Variants in TSPOAP1 observed in about 807,000 individuals in gnomAD.
The protein encoded by TSPOAP1 is peripheral-type benzodiazepine receptor-associated protein 1.
TSPOAP1 carries 87 observed loss-of-function variants against 197.0 expected under a neutral mutation model. That is an observed-to-expected ratio of 0.44 (90% CI 0.37 to 0.53). The LOEUF is 0.53. Ranked by LOEUF, TSPOAP1 falls within the 20% of genes least tolerant of loss-of-function variation. The probability of loss-of-function intolerance (pLI) is 0.00; values close to 1 mark genes in which losing one functional copy is unlikely to be tolerated. For synonymous variants in TSPOAP1, 913 were observed against 998.9 expected, an observed-to-expected ratio of 0.91 and a Z score of 1.62; for missense variants, 2,174 against 2,411.3, an observed-to-expected ratio of 0.90 and a Z score of 2.06.
chr17:58,305,490 A>AGGCAGAG (rs1567837756), intron 28 of TSPOAP1, 32 bp from the exon 29 acceptor site: 2 of 1,613,332 alleles, frequency 1.2e-6, no homozygotes, highest in Non-Finnish European at 1.7e-6. Flanking sequence ...CATCAGGCCC[A>AGGCAGAG]GGAAGGCTCT....
In TSPOAP1 at chr17:58,301,546, C is replaced by G. The variant is rs1033782408; in HGVS notation, c.*934G>C. ...TGCAAAAGAACTTGAATCCAATGAG[C>G]AAAATAAGGCAAACCCAACTCCGCT... On this transcript the variant is annotated 3_prime_UTR_variant, in exon 32 of 32. Transcript: ENST00000343736. 6 of 152,710 alleles carry G rather than the reference C, an allele frequency of 3.9e-5. No individual in the cohort carries two copies. The highest frequency in any genetic ancestry group is 1.4e-4 in the African/African-American group (6 of 41,464). 9.5% of individuals were successfully genotyped at this position (152,710 alleles called of 1,614,324 possible). A position where few individuals can be genotyped will look rare whatever the true frequency, so the allele number is the denominator to read the frequency against.
Position 58,308,055 on chromosome 17 carries a change from A to G in TSPOAP1, c.4732-114T>C. On this transcript the variant is annotated intron_variant, in intron 22 of 31. Transcript: ENST00000343736. ...CAGCACAGCAGCGCAGGAGCACAGC[A>G]TTCCTCTCCCGGAGCCTCGGCCCAG... 2.7e-6 allele frequency: 3 copies of G among 1,094,536 alleles called. No homozygotes were observed. The South Asian group carries it at 4.7e-5, about 17-fold the overall frequency. The allele number at this position is 1,094,536 out of a possible 1,614,324, so 67.8% of individuals were successfully genotyped here.
Position 58,309,859 on chromosome 17 carries a change from C to T in TSPOAP1, c.3891+108G>A. ...TTAGGACAGGGCCCAGGCCACAGAC[C>T]TAGAATGTTTCTGGCACTCAGTGGT... is the stretch of plus-strand genomic sequence containing the variant. On this transcript the variant is annotated intron_variant, in intron 21 of 31. Coordinates refer to ENST00000343736, the MANE Select transcript of TSPOAP1 (RefSeq NM_004758.4). The surrounding 1 kb of genome is among the most constrained non-coding windows in gnomAD (Gnocchi z 5.0). The T allele has an allele frequency of 1.4e-6, 2 of 1,409,342 alleles. No individual in the cohort carries two copies. The highest frequency in any genetic ancestry group is 1.9e-6 in the Non-Finnish European group (2 of 1,041,394). 87.3% of individuals were successfully genotyped at this position (1,409,342 alleles called of 1,614,324 possible). A position where few individuals can be genotyped will look rare whatever the true frequency, so the allele number is the denominator to read the frequency against.
intron 16 of TSPOAP1, among the ~76,000 whole-genome samples, chr17:58,314,744 G>A (rs1971172147): frequency 6.6e-6 from 1 of 152,256 alleles, no homozygotes. Context: ...CCAGCACTGT[G>A]GAGTGGGAGA....
intron 12 of TSPOAP1, 109 bp downstream of exon 12, chr17:58,320,000 G>A (rs1971356858): frequency 6.3e-6 from 9 of 1,431,794 alleles, no homozygotes. Context: ...CCTGCTCCCA[G>A]TGACACCCCC....
Position 58,319,219 on chromosome 17 carries a change from C to A in TSPOAP1, c.1570G>T (p.Ala524Ser), listed in dbSNP as rs1326028912. Residue 524 changes from alanine to serine, a missense_variant, in exon 13 of 32, where the codon GCT (alanine) becomes TCT (serine). Coordinates refer to ENST00000343736, the MANE Select transcript of TSPOAP1 (RefSeq NM_004758.4). The stretch of plus-strand genomic sequence containing the variant: ...AAGGGGCCCGGGTGCAGGCGGAAAG[C>A]CTGGAGTTCCTGTGCCAGGAGGCTG... ...QFSLLAQELQAFRLHPGPLDL... is the reference protein window; with the variant it reads ...QFSLLAQELQSFRLHPGPLDL... 6.3e-7 allele frequency: 1 copy of A among 1,597,956 alleles called. No individual in the cohort carries two copies. Among genetic ancestry groups the A allele is most frequent in the Non-Finnish European group, 8.5e-7 (1 of 1,172,428 alleles).
rs747240168 is a variant in TSPOAP1 at position 58,308,825 on chromosome 17, C to T, written c.4447G>A (p.Glu1483Lys). ...GAAAGGCAGCTGGCCAGGCCAGGCT[C>T]CAGCGCCCGGCCACGGGAGCACCTC... ...SRRCSRGRAL[E>K]PGLASCLSPK... The change falls in exon 22 of 32, where the codon GAG (glutamate) becomes AAG (lysine). Residue 1483 changes from glutamate (E) to lysine (K), a missense_variant. By Grantham distance (56) the Glu-to-Lys change is moderately conservative (BLOSUM62 1). Transcript: ENST00000343736. 1 of 1,612,392 alleles carries T rather than the reference C, an allele frequency of 6.2e-7. No homozygotes were observed. The highest frequency in any genetic ancestry group is 8.5e-7 in the Non-Finnish European group (1 of 1,179,586).
intron 31 of TSPOAP1, 37 bp from the exon 32 acceptor site, chr17:58,302,484 GATTCC>G: frequency 2.5e-6 from 3 of 1,189,092 alleles, no homozygotes; most frequent in Non-Finnish European, 3.2e-6. Context: ...GTCAGGGCCT[GATTCC>G]CTCCTGACCC....
rs1206753267 is a variant in TSPOAP1 at position 58,310,542 on chromosome 17, G to A, written c.3669C>T (p.Asp1223=). ...CCCTGGGCCTCAGCCCAGACCCTGG[G>A]TCTCCTCCTTGGCACATCTCGGTAT... is the stretch of plus-strand genomic sequence containing the variant. ...APNTEMCQGG[D]PGSGLRPRAE... The change falls in exon 20 of 32, where the codon GAC becomes GAT. Residue 1223 remains aspartate, a synonymous_variant. Transcript: ENST00000343736. 6.2e-7 allele frequency: 1 copy of A among 1,613,480 alleles called. No individual in the cohort carries two copies. Among genetic ancestry groups the A allele is most frequent in the Admixed American group, 1.7e-5 (1 of 60,034 alleles).
At chr17:58,308,044 A>T (rs1970958258) in intron 22 of TSPOAP1, 103 bp from the exon 23 acceptor site, 1 of 1,170,706 alleles carries the variant, frequency 8.5e-7, no homozygotes, top group Admixed American at 2.3e-5. Context: ...ACAGCAGCGC[A>T]GGAGCACAGC....
Position 58,316,417 on chromosome 17 carries a change from G to A in TSPOAP1, c.1988+8C>T. ...TGGGCTAGGGGGCAGTGAGGGTGAG[G>A]GACCCACCTATAACGTGCTAGGAAG... On this transcript the variant is annotated splice_region_variant and intron_variant, in intron 15 of 31. Transcript: ENST00000343736. 1.2e-6 allele frequency: 2 copies of A among 1,606,058 alleles called. No homozygotes were observed. The highest frequency in any genetic ancestry group is 1.7e-6 in the Non-Finnish European group (2 of 1,174,906).
chr17:58,326,492 C>G lies in TSPOAP1; in HGVS notation c.442-71G>C. The G allele has an allele frequency of 3.1e-6, 5 of 1,591,554 alleles. No homozygotes were observed. The highest frequency in any genetic ancestry group is 4.3e-6 in the Non-Finnish European group (5 of 1,168,678). The stretch of plus-strand genomic sequence containing the variant: ...CAGACCCAGTCCTAACAGCCCAAGT[C>G]TTGGGCTAGAGCCCTAGGCTCACAG... On this transcript the variant is annotated intron_variant, in intron 2 of 31. Transcript: ENST00000343736. This position sits in a 1 kb window ranked among gnomAD's most constrained non-coding sequence, Gnocchi z 4.7.
In TSPOAP1 at chr17:58,323,327, G is replaced by A. The variant is rs748649023; in HGVS notation, c.1075C>T (p.Arg359Trp). 3 of 1,613,960 alleles carry A rather than the reference G, an allele frequency of 1.9e-6. No individual in the cohort carries two copies. The highest frequency in any genetic ancestry group is 1.7e-6 in the Non-Finnish European group (2 of 1,180,004). ...TCCTCACATCGCCTCTGCTTTTTCC[G>A]GGCTTCCTGCTCCAGGCTCTCGCAT... is the stretch of plus-strand genomic sequence containing the variant. ...KKCESLEQEA[R>W]KKQRRCEELE... Residue 359 changes from arginine to tryptophan, a missense_variant, in exon 7 of 32, where the codon CGG (arginine) becomes TGG (tryptophan). Physicochemically the swap from Arg to Trp is moderately radical, Grantham distance 101 (BLOSUM62 -3). This residue lies in a region of TSPOAP1 where 1,933 missense variants were observed against 2,139.0 expected (regional missense o/e 0.90). Transcript: ENST00000343736.
At chr17:58,316,397 TA>T in intron 15 of TSPOAP1, 27 bp downstream of exon 15, 1 of 1,581,552 alleles carries the variant, frequency 6.3e-7, no homozygotes, top group Non-Finnish European at 8.6e-7. Context: ...GGGGCTGGGC[TA>T]GGGGGCAGTG....
rs1971548298 is a variant in TSPOAP1, at chr17:58,325,319, C to CT, written c.750+214dup. The CT allele has an allele frequency of 1.7e-5, 11 of 651,434 alleles. No individual in the cohort carries two copies. In the South Asian group the frequency reaches 2.1e-4, roughly 12 times the overall value. The allele number at this position is 651,434 out of a possible 1,614,324, so 40.4% of individuals were successfully genotyped here. On this transcript the variant is annotated intron_variant, in intron 4 of 31. Transcript: ENST00000343736. ...ACAGCCAGACCCACCGGCAAACAGC[C>CT]TCAAGCCTGGAGCACAGAAATGCCC... is the stretch of plus-strand genomic sequence containing the variant.
chr17:58,322,165 G>T lies in TSPOAP1; in HGVS notation c.1422+143C>A. On this transcript the variant is annotated intron_variant, in intron 10 of 31. Coordinates refer to ENST00000343736, the MANE Select transcript of TSPOAP1 (RefSeq NM_004758.4). The surrounding 1 kb of genome is among the most constrained non-coding windows in gnomAD (Gnocchi z 5.0). ...GCTCACTCCTGGATGCTAATTTGCT[G>T]ACTGCTCAGGGACCTGGTCTTTGTT... 1.3e-6 allele frequency: 1 copy of T among 759,954 alleles called. No homozygotes were observed. The highest frequency in any genetic ancestry group is 2.1e-6 in the Non-Finnish European group (1 of 469,532). The allele number at this position is 759,954 out of a possible 1,614,324, so 47.1% of individuals were successfully genotyped here. A position where few individuals can be genotyped will look rare whatever the true frequency, so the allele number is the denominator to read the frequency against.
At chr17:58,315,948 G>A (rs564013696) in intron 16 of TSPOAP1, 75 bp downstream of exon 16, 1 of 1,090,544 alleles carries the variant, frequency 9.2e-7, no homozygotes. Context: ...TGGATGGATG[G>A]ATGGATATCC....
At chr17:58,314,821 G>C (rs1389961246) in intron 16 of TSPOAP1, among the ~76,000 whole-genome samples, 1 of 152,252 alleles carries the variant, frequency 6.6e-6, no homozygotes, top group Non-Finnish European at 1.5e-5. Flanking sequence ...GCCTGGGCCG[G>C]AGTCAGGCAC....
chr17:58,309,389 G>A lies in TSPOAP1; in HGVS notation c.3892-9C>T. 3 of 1,599,866 alleles carry A rather than the reference G, an allele frequency of 1.9e-6. No homozygotes were observed. The highest frequency in any genetic ancestry group is 2.2e-5 in the East Asian group (1 of 44,754). On this transcript the variant is annotated splice_polypyrimidine_tract_variant and intron_variant, in intron 21 of 31. Transcript: ENST00000343736. The surrounding 1 kb of genome is among the most constrained non-coding windows in gnomAD (Gnocchi z 5.0). The stretch of plus-strand genomic sequence containing the variant: ...AAGGGGTCGGGCTGGGACTGGTGGA[G>A]GTGGGGAGGTGGGAGTAGAACACAG...
Sources: gnomAD v4.1 joint callset for allele counts (sites outside exome capture counted in the v4.1 genomes callset) on GRCh38, gnomAD v4.1.1 for gene constraint, gnomAD v4.1.1 regional missense constraint, Gnocchi (gnomAD v3.1) non-coding constraint, MANE v1.5 for transcripts, NCBI Gene and HGNC (gene_info 2026-07-23, HGNC 2026-07-21) for gene names.